Variants in KIAA0825 observed in about 807,000 individuals in gnomAD.
KIAA0825 encodes uncharacterized protein KIAA0825.
KIAA0825 carries 119 observed loss-of-function variants against 147.6 expected under a neutral mutation model. That is an observed-to-expected ratio of 0.81 (90% CI 0.69 to 0.94). The LOEUF is 0.94. Ranked by LOEUF, KIAA0825 falls within the 40% of genes least tolerant of loss-of-function variation. The pLI, the probability that KIAA0825 is intolerant of heterozygous loss-of-function variation, is 0.00. For synonymous variants in KIAA0825, 470 were observed against 518.1 expected (o/e 0.91, Z 1.26); for missense variants, 1,381 against 1,472.7 (o/e 0.94, Z 1.02).
intron 2 of KIAA0825, among the ~76,000 whole-genome samples, chr5:94,555,879 T>A (rs1249721926): frequency 6.6e-6 from 1 of 152,168 alleles, no homozygotes; most frequent in African/African-American, 2.4e-5. Context: ...CTAAATAATG[T>A]CACAGATCAT....
intron 20 of KIAA0825, among the ~76,000 whole-genome samples, chr5:94,264,474 G>C (rs974924691): frequency 9.2e-5 from 14 of 152,108 alleles, no homozygotes; most frequent in Non-Finnish European, 2.1e-4. Flanking sequence ...GGCAATTAAA[G>C]AACTCTTTCA....
chr5:94,442,310 T>C (rs922387076), intron 13 of KIAA0825, among the ~76,000 whole-genome samples: 15 of 152,140 alleles, frequency 9.9e-5, no homozygotes, highest in Non-Finnish European at 1.9e-4. Context: ...AGGCTTCCCA[T>C]GTAAAACTCT....
intron 10 of KIAA0825, 89 bp downstream of exon 10, chr5:94,469,872 C>A: frequency 9.4e-7 from 1 of 1,065,122 alleles, no homozygotes; most frequent in Non-Finnish European, 1.3e-6. Flanking sequence ...ATTAGTAATG[C>A]CAAGCTCATG....
At chr5:94,318,599 T>G (rs1779872762) in intron 20 of KIAA0825, among the ~76,000 whole-genome samples, 1 of 151,866 alleles carries the variant, frequency 6.6e-6, no homozygotes. Context: ...GGGGAGGTGG[T>G]ACAATGGTCT....
chr5:94,484,697 C>A lies in KIAA0825; in HGVS notation c.1132+72G>T, dbSNP rs1762848008. ...TGTGTTTTTTTCAAGTAATCGTTTT[C>A]ATTCAAAGCAGCAGGAAGCAAAAAC... On this transcript the variant is annotated intron_variant, in intron 6 of 20. Coordinates refer to ENST00000682413, the MANE Select transcript of KIAA0825 (RefSeq NM_001145678.3). 5 of 1,036,006 alleles carry A rather than the reference C, an allele frequency of 4.8e-6. No homozygotes were observed. The Admixed American group carries it at 9.6e-5, about 20-fold the overall frequency. 64.2% of individuals were successfully genotyped at this position (1,036,006 alleles called of 1,614,324 possible).
chr5:94,232,838 T>C (rs1221427674), intron 20 of KIAA0825, among the ~76,000 whole-genome samples: 1 of 152,130 alleles, frequency 6.6e-6, no homozygotes, highest in Non-Finnish European at 1.5e-5. Flanking sequence ...TATTTCTTGC[T>C]CTCTAGACAT....
chr5:94,410,773 A>T (rs1002846878), intron 15 of KIAA0825, among the ~76,000 whole-genome samples: 3 of 152,208 alleles, frequency 2.0e-5, no homozygotes, highest in Non-Finnish European at 4.4e-5. Context: ...AAATATTTCA[A>T]ACATGAAGGC....
chr5:94,207,308 C>A (rs1350675041), intron 20 of KIAA0825, among the ~76,000 whole-genome samples: 2 of 152,086 alleles, frequency 1.3e-5, no homozygotes, highest in African/African-American at 2.4e-5. Context: ...CTAAAACAAC[C>A]CCAGGTGTTG....
intron 14 of KIAA0825, among the ~76,000 whole-genome samples, chr5:94,433,587 G>T (rs2150803015): frequency 6.6e-6 from 1 of 152,244 alleles, no homozygotes; most frequent in East Asian, 1.9e-4. Context: ...AAAGCCAGCT[G>T]CCTGGGTCAA....
At chr5:94,444,203 C>T (rs1304137390) in intron 13 of KIAA0825, among the ~76,000 whole-genome samples, 2 of 152,070 alleles carry the variant, frequency 1.3e-5, no homozygotes, top group Non-Finnish European at 2.9e-5. Context: ...GTTCTGGTTT[C>T]CATGGTGGGG....
At chr5:94,506,985 CATT>C (rs1451623739) in intron 5 of KIAA0825, among the ~76,000 whole-genome samples, 1 of 152,038 alleles carries the variant, frequency 6.6e-6, no homozygotes, top group Non-Finnish European at 1.5e-5. Flanking sequence ...CTCGTAATTG[CATT>C]ATATTATCAT....
In KIAA0825 at chr5:94,223,402, A is replaced by G. The variant is rs544099220; in HGVS notation, c.3711-69278T>C. 3.3e-5 allele frequency among the ~76,000 whole-genome samples: 5 copies of G among 152,308 alleles called. No homozygotes were observed. The South Asian group carries it at 8.3e-4, about 25-fold the overall frequency. ...CAAAAGTATACCTCACGTAGACTAT[A>G]TACCTTTTTGTCAGCTCTCATTTCA... is the stretch of plus-strand genomic sequence containing the variant. On this transcript the variant is annotated intron_variant, in intron 20 of 20. Transcript: ENST00000682413.
chr5:94,295,880 C>T (rs1420409567), intron 20 of KIAA0825, among the ~76,000 whole-genome samples: 1 of 152,170 alleles, frequency 6.6e-6, no homozygotes, highest in Non-Finnish European at 1.5e-5. Context: ...GGAGATGTCT[C>T]CCAGTCAGGA....
chr5:94,332,906 A>T (rs954487890), intron 20 of KIAA0825, among the ~76,000 whole-genome samples: 5 of 152,002 alleles, frequency 3.3e-5, no homozygotes, highest in Admixed American at 2.0e-4. Context: ...TTCCTTTTTG[A>T]AAACTGCCAT....
chr5:94,511,346 C>T (rs28517287), intron 5 of KIAA0825, among the ~76,000 whole-genome samples: 29,262 of 152,238 alleles, frequency 0.19, 3,684 homozygotes, highest in Non-Finnish European at 0.29. Flanking sequence ...ATGGGCCAGG[C>T]GTGGTGGCTC....
intron 20 of KIAA0825, among the ~76,000 whole-genome samples, chr5:94,192,210 C>T (rs570698367): frequency 2.6e-5 from 4 of 152,316 alleles, no homozygotes; most frequent in African/African-American, 7.2e-5. Flanking sequence ...TTTTCCAAAA[C>T]TAATTAACCC....
chr5:94,354,362 G>C (rs1372016594), intron 20 of KIAA0825, among the ~76,000 whole-genome samples: 2 of 151,914 alleles, frequency 1.3e-5, no homozygotes, highest in African/African-American at 4.8e-5. Flanking sequence ...GGTTAATATG[G>C]ATTAGTAATC....
At chr5:94,551,840 T>A (rs1775595677) in intron 2 of KIAA0825, among the ~76,000 whole-genome samples, 1 of 150,484 alleles carries the variant, frequency 6.6e-6, no homozygotes, top group Admixed American at 6.6e-5. Context: ...ACCATCAAAC[T>A]GCAAAAATAA....
At chr5:94,300,849 G>A (rs566748123) in intron 20 of KIAA0825, among the ~76,000 whole-genome samples, 1 of 152,286 alleles carries the variant, frequency 6.6e-6, no homozygotes, top group East Asian at 1.9e-4. Flanking sequence ...GGGGGTTAGG[G>A]AGGAAAAGAG....
Sources: gnomAD v4.1 joint callset for allele counts (sites outside exome capture counted in the v4.1 genomes callset) on GRCh38, gnomAD v4.1.1 for gene constraint, MANE v1.5 for transcripts, NCBI Gene and HGNC (gene_info 2026-07-23, HGNC 2026-07-21) for gene names.